Variants in TRAPPC9 observed in about 807,000 individuals in gnomAD.
TRAPPC9 encodes trafficking protein particle complex subunit 9.
In TRAPPC9, 83 loss-of-function variants were observed where a neutral mutation model predicts 124.0. The observed-to-expected ratio is 0.67, with a 90% CI of 0.56 to 0.80. The LOEUF is 0.80. Among genes scored for constraint, TRAPPC9 ranks in the 30% least tolerant of loss-of-function variants. TRAPPC9 has a pLI of 0.00. For missense variants in TRAPPC9, 1,302 were observed against 1,508.3 expected, an observed-to-expected ratio of 0.86 and a Z score of 2.27; for synonymous variants, 638 against 617.5, an observed-to-expected ratio of 1.03 and a Z score of -0.49.
At chr8:140,167,167 A>G (rs2061854904) in intron 17 of TRAPPC9, among the ~76,000 whole-genome samples, 1 of 152,022 alleles carries the variant, frequency 6.6e-6, no homozygotes, top group Admixed American at 6.6e-5. Flanking sequence ...AAACTTGTTA[A>G]CAATCAGTTT....
Position 139,966,743 on chromosome 8 carries a change from A to G in TRAPPC9, c.2810+21983T>C, listed in dbSNP as rs530758009. On this transcript the variant is annotated intron_variant, in intron 19 of 22. Coordinates refer to ENST00000438773, the MANE Select transcript of TRAPPC9 (RefSeq NM_001160372.4). ...TCTAATAAGTGCTCAATAAACCCCA[A>G]TGAAAAGAACAACAGCCTCATTTAC... 5.3e-5 allele frequency among the ~76,000 whole-genome samples: 8 copies of G among 152,326 alleles called. No individual in the cohort carries two copies. The East Asian group carries it at 5.8e-4, about 11-fold the overall frequency.
chr8:140,432,764 C>T (rs1299931243), intron 4 of TRAPPC9, among the ~76,000 whole-genome samples: 3 of 151,686 alleles, frequency 2.0e-5, no homozygotes, highest in Non-Finnish European at 4.4e-5. Flanking sequence ...CCCAGCTACT[C>T]GGGAGGCTGA....
chr8:140,366,440 T>G (rs540588710), intron 8 of TRAPPC9, among the ~76,000 whole-genome samples: 4 of 152,290 alleles, frequency 2.6e-5, no homozygotes, highest in African/African-American at 9.6e-5. Context: ...AGTCAACTGG[T>G]CTTTGACAAA....
At chr8:140,392,282 G>A (rs993231137) in intron 7 of TRAPPC9, among the ~76,000 whole-genome samples, 3 of 152,184 alleles carry the variant, frequency 2.0e-5, no homozygotes, top group African/African-American at 7.2e-5. Context: ...CTAGCTAAAT[G>A]CATGCAACAA....
chr8:139,934,178 A>G (rs1239849643), intron 19 of TRAPPC9, among the ~76,000 whole-genome samples: 2 of 152,116 alleles, frequency 1.3e-5, no homozygotes, highest in East Asian at 3.9e-4. Context: ...ACTAACAGCC[A>G]CTGTTTTAGG....
At chr8:140,366,737 T>C (rs895394430) in intron 8 of TRAPPC9, among the ~76,000 whole-genome samples, 13 of 152,176 alleles carry the variant, frequency 8.5e-5, no homozygotes, top group African/African-American at 3.1e-4. Context: ...TAGACTTCGT[T>C]AAAATTTAAA....
chr8:139,847,834 T>C (rs1586978787), intron 21 of TRAPPC9, among the ~76,000 whole-genome samples: 2 of 150,812 alleles, frequency 1.3e-5, no homozygotes, highest in African/African-American at 4.9e-5. Context: ...TGGGGATGGG[T>C]GTGAGCACCT....
chr8:139,904,798 A>G (rs1831241862), intron 20 of TRAPPC9: 1 of 152,220 alleles, frequency 6.6e-6, no homozygotes. Flanking sequence ...CACCAGCTGC[A>G]CAGATTAGTA....
At chr8:139,991,588 G>T (rs200438717) in intron 18 of TRAPPC9, among the ~76,000 whole-genome samples, 4,208 of 142,914 alleles carry the variant, frequency 0.029, 115 homozygotes, top group African/African-American at 0.068. Flanking sequence ...TTTTGGGTTT[G>T]TTTTTTTTTT....
At chr8:140,078,300 G>A (rs1033856542) in intron 17 of TRAPPC9, among the ~76,000 whole-genome samples, 2 of 152,220 alleles carry the variant, frequency 1.3e-5, no homozygotes, top group African/African-American at 4.8e-5. Flanking sequence ...AGTGCCATGG[G>A]AAGACACTGC....
intron 5 of TRAPPC9, among the ~76,000 whole-genome samples, chr8:140,418,105 A>G (rs2070008854): frequency 1.3e-5 from 2 of 152,160 alleles, no homozygotes; most frequent in Admixed American, 1.3e-4. Flanking sequence ...AGAAATACTT[A>G]ATGTAGATGA....
At chr8:139,805,057 G>A (rs981371515) in intron 21 of TRAPPC9, among the ~76,000 whole-genome samples, 1 of 152,184 alleles carries the variant, frequency 6.6e-6, no homozygotes, top group Non-Finnish European at 1.5e-5. Context: ...TGGGGTCCAG[G>A]GGCATGATAG....
intron 21 of TRAPPC9, among the ~76,000 whole-genome samples, chr8:139,864,068 C>G (rs1200382040): frequency 6.6e-6 from 1 of 152,164 alleles, no homozygotes; most frequent in African/African-American, 2.4e-5. Flanking sequence ...TCCATCAGGC[C>G]ACCACAAAGC....
At chr8:140,006,663 A>T (rs1003451654) in intron 18 of TRAPPC9, among the ~76,000 whole-genome samples, 1 of 152,256 alleles carries the variant, frequency 6.6e-6, no homozygotes, top group African/African-American at 2.4e-5. Flanking sequence ...ATTCAGCAAT[A>T]AAAAGAAATA....
chr8:139,999,975 A>G (rs1838283491), intron 18 of TRAPPC9, among the ~76,000 whole-genome samples: 1 of 152,216 alleles, frequency 6.6e-6, no homozygotes, highest in Non-Finnish European at 1.5e-5. Context: ...CTTCAAATCA[A>G]TAAGCCTATC....
chr8:140,393,032 T>TTTTATTTTA (rs1554679810), intron 7 of TRAPPC9, among the ~76,000 whole-genome samples: 7 of 138,024 alleles, frequency 5.1e-5, no homozygotes, highest in African/African-American at 1.1e-4. Context: ...TCCCATTTTA[T>TTTTATTTTA]TTTTATTTTA....
chr8:139,892,542 C>T (rs1378038153), intron 20 of TRAPPC9, among the ~76,000 whole-genome samples: 2 of 152,210 alleles, frequency 1.3e-5, no homozygotes, highest in African/African-American at 4.8e-5. Flanking sequence ...GCCCTGTGAG[C>T]ATTACGATGA....
chr8:139,823,703 G>A (rs1825419209), intron 21 of TRAPPC9, among the ~76,000 whole-genome samples: 1 of 152,244 alleles, frequency 6.6e-6, no homozygotes. Flanking sequence ...GGGAAGCCCT[G>A]CAGCAGAGGT....
intron 19 of TRAPPC9, among the ~76,000 whole-genome samples, chr8:139,983,000 C>G (rs1205618136): frequency 1.3e-5 from 2 of 152,198 alleles, no homozygotes; most frequent in Non-Finnish European, 2.9e-5. Flanking sequence ...TTATGCCCCA[C>G]AAAATCTACA....
Sources: gnomAD v4.1 joint callset for allele counts (sites outside exome capture counted in the v4.1 genomes callset) on GRCh38, gnomAD v4.1.1 for gene constraint, MANE v1.5 for transcripts, NCBI Gene and HGNC (gene_info 2026-07-23, HGNC 2026-07-21) for gene names.